The following PITRM1 variants were observed in gnomAD, a reference collection of about 807,000 sequenced individuals.
The protein encoded by PITRM1 is presequence protease, mitochondrial.
A neutral mutation model predicts 129.9 loss-of-function variants in PITRM1; 100 were observed. The ratio of observed to expected loss-of-function variants is 0.77; its 90% CI spans 0.65 to 0.91. PITRM1 has a LOEUF of 0.91. Ranked by LOEUF, PITRM1 falls within the 40% of genes least tolerant of loss-of-function variation. The pLI, the probability that PITRM1 is intolerant of heterozygous loss-of-function variation, is 0.00. For missense variants in PITRM1, 1,471 were observed against 1,318.3 expected (o/e 1.12, Z -1.79); for synonymous variants, 591 against 508.8 (o/e 1.16, Z -2.17).
Position 3,166,214 on chromosome 10 carries a change from G to C in PITRM1, c.418+15C>G. On this transcript the variant is annotated intron_variant, in intron 4 of 26. Transcript: ENST00000224949. ...CAAACCCAAAAGCAGTTTCTGTTCAGGATGCTGGTCTTACCTGTGAAGGCG... is the reference window on the plus strand; with the variant it reads ...CAAACCCAAAAGCAGTTTCTGTTCACGATGCTGGTCTTACCTGTGAAGGCG... 6.3e-7 allele frequency: 1 copy of C among 1,591,968 alleles called. No homozygotes were observed. Among genetic ancestry groups the C allele is most frequent in the South Asian group, 1.1e-5 (1 of 88,118 alleles).
At chr10:3,138,386 G>C (rs747009967) in intron 25 of PITRM1, 49 bp from the exon 26 acceptor site, 39 of 1,256,828 alleles carry the variant, frequency 3.1e-5, no homozygotes, top group Non-Finnish European at 1.5e-5. Context: ...GGGAGCTCGC[G>C]TTGTGGGCTG....
At chr10:3,142,632 G>T (rs1010528140) in intron 23 of PITRM1, among the ~76,000 whole-genome samples, 1 of 152,218 alleles carries the variant, frequency 6.6e-6, no homozygotes, top group African/African-American at 2.4e-5. Context: ...AGGGGCTGGA[G>T]GGCCAGTCTG....
rs1840618102 is a variant in PITRM1 at position 3,144,351 on chromosome 10, T to A, written c.2473A>T (p.Ser825Cys). The A allele has an allele frequency of 1.3e-6, 2 of 1,558,084 alleles. No homozygotes were observed. The highest frequency in any genetic ancestry group is 8.7e-7 in the Non-Finnish European group (1 of 1,149,338). Residue 825 changes from serine (S) to cysteine (C), a missense_variant, in exon 22 of 27, where the codon AGC (serine) becomes TGC (cysteine). Coordinates refer to ENST00000224949, the MANE Select transcript of PITRM1 (RefSeq NM_014889.4). ...GGAACGTGGGCATCTCCACCAGAGC[T>A]GCTGGGCACAGGTTTCTGAAAATCA... ...PHTVEKPVPSSSGGDAHVPHG... is the reference protein window; with the variant it reads ...PHTVEKPVPSCSGGDAHVPHG...
rs1588641413 is a variant in PITRM1, at chr10:3,144,361, A to G, written c.2463T>C (p.Pro821=). The change falls in exon 22 of 27, where the codon CCT becomes CCC. Residue 821 remains proline (P), a synonymous_variant. Coordinates refer to ENST00000224949, the MANE Select transcript of PITRM1 (RefSeq NM_014889.4). ...CATCTCCACCAGAGCTGCTGGGCAC[A>G]GGTTTCTGAAAATCAAGTTTCCAAG... The part of the protein sequence containing the change: ...RPVRPHTVEK[P]VPSSSGGDAH... The G allele has an allele frequency of 1.3e-6, 2 of 1,550,704 alleles. No individual in the cohort carries two copies. The highest frequency in any genetic ancestry group is 8.7e-7 in the Non-Finnish European group (1 of 1,145,040).
chr10:3,167,273 G>T (rs554702248), intron 2 of PITRM1, among the ~76,000 whole-genome samples: 1 of 120,668 alleles, frequency 8.3e-6, no homozygotes, highest in African/African-American at 3.3e-5. Context: ...TGTGTGTATA[G>T]AAAGAGAGAG....
At chr10:3,147,776 T>A in intron 18 of PITRM1, 39 bp from the exon 19 acceptor site, 1 of 1,522,908 alleles carries the variant, frequency 6.6e-7, no homozygotes, top group Non-Finnish European at 8.8e-7. Flanking sequence ...TGGAGACCCA[T>A]TCCTCACGTC....
In PITRM1 at chr10:3,138,055, C is replaced by T; in HGVS notation, c.3090G>A (p.Lys1030=). 1 of 1,608,352 alleles carries T rather than the reference C, an allele frequency of 6.2e-7. No individual in the cohort carries two copies. Among genetic ancestry groups the T allele is most frequent in the Non-Finnish European group, 8.5e-7 (1 of 1,177,618 alleles). ...CTCATTGGATGATCCAGGATGGGTC[C>T]TTGGCAATTTTCGGGTTCTCGGGTC... ...ILGPENPKIA[K]DPSWIIQ The change falls in exon 27 of 27, where the codon AAG becomes AAA. Residue 1030 remains lysine (K), a synonymous_variant. Coordinates refer to ENST00000224949, the MANE Select transcript of PITRM1 (RefSeq NM_014889.4).
At chr10:3,157,556 G>A in intron 11 of PITRM1, 25 bp from the exon 12 acceptor site, 1 of 1,436,952 alleles carries the variant, frequency 7.0e-7, no homozygotes, top group Non-Finnish European at 9.7e-7. Context: ...GAAGAACAAA[G>A]ATGGGCCAGA....
At position 3,166,389 on chromosome 10, in the gene PITRM1, G is replaced by GACA. The variant is rs58131139; in HGVS notation, c.267-10_267-9insTGT. The GACA allele has an allele frequency of 3.6e-6, 5 of 1,375,972 alleles. No homozygotes were observed. The highest frequency in any genetic ancestry group is 5.1e-6 in the Non-Finnish European group (5 of 979,568). The allele number at this position is 1,375,972 out of a possible 1,614,324, so 85.2% of individuals were successfully genotyped here. A position where few individuals can be genotyped will look rare whatever the true frequency, so the allele number is the denominator to read the frequency against. On this transcript the variant is annotated splice_polypyrimidine_tract_variant and intron_variant, in intron 3 of 26. Coordinates refer to ENST00000224949, the MANE Select transcript of PITRM1 (RefSeq NM_014889.4). The stretch of plus-strand genomic sequence containing the variant: ...TAGTACGGAACTGCACGCTAGGGAA[G>GACA]GAGAATGACCAGAACGCAAAAGGTT...
chr10:3,145,141 CA>C, intron 21 of PITRM1: 1 of 161,848 alleles, frequency 6.2e-6, no homozygotes, highest in South Asian at 1.7e-4. Flanking sequence ...CACGGAGCAG[CA>C]CGGCTTCTCT....
chr10:3,156,869 C>G (rs773914675), intron 13 of PITRM1, 61 bp downstream of exon 13: 21 of 1,096,942 alleles, frequency 1.9e-5, no homozygotes, highest in Non-Finnish European at 2.6e-5. Context: ...TCCTAATATT[C>G]CTTTCATTAG....
At chr10:3,155,859 A>C in intron 13 of PITRM1, 130 bp from the exon 14 acceptor site, 1 of 1,021,144 alleles carries the variant, frequency 9.8e-7, no homozygotes, top group Non-Finnish European at 1.4e-6. Flanking sequence ...AATAGTAATA[A>C]TAGAACGCAC....
At position 3,166,984 on chromosome 10, in the gene PITRM1, C is replaced by T. The variant is rs370047766; in HGVS notation, c.218G>A (p.Gly73Glu). The T allele has an allele frequency of 1.5e-5, 24 of 1,611,450 alleles. No homozygotes were observed. In the African/African-American group the frequency reaches 3.1e-4, roughly 21 times the overall value. Residue 73 changes from glycine to glutamate, a missense_variant, in exon 3 of 27, where the codon GGA becomes GAA. Coordinates refer to ENST00000224949, the MANE Select transcript of PITRM1 (RefSeq NM_014889.4). ...TCTGGCCAGGTGTAAATACCTGGCT[C>T]CTGTGTCATCATGGGTGAGCTTCAC... ...TAVKLTHDDT[G>E]ARYLHLARED... is the part of the protein sequence containing the mutation.
intron 25 of PITRM1, 120 bp downstream of exon 25, chr10:3,138,784 C>CAA: frequency 1.1e-6 from 1 of 937,498 alleles, no homozygotes; most frequent in Non-Finnish European, 1.8e-6. Flanking sequence ...AATCGTATCA[C>CAA]AAGCAAGGAT....
At chr10:3,172,457 G>T (rs1413896876) in intron 1 of PITRM1, among the ~76,000 whole-genome samples, 1 of 152,218 alleles carries the variant, frequency 6.6e-6, no homozygotes, top group Non-Finnish European at 1.5e-5. Flanking sequence ...CTAATGGAGG[G>T]CCCCGCCGGG....
Position 3,137,900 on chromosome 10 carries a change from C to A in PITRM1, c.*131G>T. 2 of 624,678 alleles carry A rather than the reference C, an allele frequency of 3.2e-6. No homozygotes were observed. Among genetic ancestry groups the A allele is most frequent in the Non-Finnish European group, 5.7e-6 (2 of 353,282 alleles). The allele number at this position is 624,678 out of a possible 1,614,324, so 38.7% of individuals were successfully genotyped here. A position where few individuals can be genotyped will look rare whatever the true frequency, so the allele number is the denominator to read the frequency against. The stretch of plus-strand genomic sequence containing the variant: ...TTAAGATAGATCTGAGTTTTTGACT[C>A]GCCAGTCAAGGGCTTTGGCGACACT... On this transcript the variant is annotated 3_prime_UTR_variant, in exon 27 of 27. Transcript: ENST00000224949.
Position 3,158,117 on chromosome 10 carries a change from G to T in PITRM1, c.1173C>A (p.Val391=). The change falls in exon 11 of 27, where the codon GTC becomes GTA. Residue 391 remains valine (V), a synonymous_variant. Coordinates refer to ENST00000224949, the MANE Select transcript of PITRM1 (RefSeq NM_014889.4). ...CTTTCTCCGCAATCCCTTGGAGGCC[G>T]ACACTAAAGTAGGCCTCCCTCGTGT... ...NGYTREAYFS[V]GLQGIAEKDI... The T allele has an allele frequency of 6.2e-7, 1 of 1,608,118 alleles. No homozygotes were observed. Among genetic ancestry groups the T allele is most frequent in the Non-Finnish European group, 8.5e-7 (1 of 1,175,670 alleles).
Position 3,148,049 on chromosome 10 carries a change from G to A in PITRM1, c.2007C>T (p.Ser669=). ...GCAGGTTTCGATCCAGGCAGAGAGA[G>A]GAGAAAAGCACACCCTGAACCAAAG... ...MDTYEQGVLF[S]SLCLDRNLPD... Residue 669 remains serine, a synonymous_variant, in exon 18 of 27, where the codon TCC becomes TCT. Transcript: ENST00000224949. 1.2e-6 allele frequency: 2 copies of A among 1,613,770 alleles called. No homozygotes were observed.
At chr10:3,168,721 TTG>T (rs1843089886) in intron 2 of PITRM1, among the ~76,000 whole-genome samples, 1 of 152,210 alleles carries the variant, frequency 6.6e-6, no homozygotes, top group South Asian at 2.1e-4. Context: ...TCCACCACGA[TTG>T]TGTTTCCTGA....
Sources: allele counts gnomAD v4.1 joint callset (sites outside exome capture counted in the v4.1 genomes callset), GRCh38; gene constraint gnomAD v4.1.1; transcripts MANE v1.5; gene names NCBI Gene and HGNC (gene_info 2026-07-23, HGNC 2026-07-21).